Variants in CSPP1 observed in about 807,000 individuals in gnomAD.
CSPP1 encodes the protein centrosome and spindle pole-associated protein 1.
A neutral mutation model predicts 164.4 loss-of-function variants in CSPP1; 126 were observed. The observed-to-expected ratio is 0.77, with a 90% CI of 0.66 to 0.89. CSPP1 has a LOEUF of 0.89. Ranked by LOEUF, CSPP1 falls within the 40% of genes least tolerant of loss-of-function variation. CSPP1 has a pLI of 0.00. For synonymous variants in CSPP1, 472 were observed against 476.7 expected, an observed-to-expected ratio of 0.99 and a Z score of 0.13; for missense variants, 1,395 against 1,449.8, an observed-to-expected ratio of 0.96 and a Z score of 0.61.
At chr8:67,158,798 T>C (rs1586597520) in intron 20 of CSPP1, among the ~76,000 whole-genome samples, 193 bp from the exon 21 acceptor site, 1 of 152,338 alleles carries the variant, frequency 6.6e-6, no homozygotes, top group South Asian at 2.1e-4. Flanking sequence ...TTTAAAAATA[T>C]AGATGTAGGC....
intron 27 of CSPP1, among the ~76,000 whole-genome samples, chr8:67,179,104 G>T (rs959044498): frequency 1.3e-5 from 2 of 152,120 alleles, no homozygotes; most frequent in South Asian, 2.1e-4. Context: ...AGATTATCTG[G>T]TAAGAAGGTG....
chr8:67,170,491 G>A (rs958954423), intron 24 of CSPP1, among the ~76,000 whole-genome samples: 14 of 151,942 alleles, frequency 9.2e-5, no homozygotes, highest in African/African-American at 9.7e-5. Context: ...GTTGTTCACC[G>A]TAAGACTATA....
At chr8:67,103,508 A>G (rs1814601079) in intron 8 of CSPP1, among the ~76,000 whole-genome samples, 1 of 151,996 alleles carries the variant, frequency 6.6e-6, no homozygotes, top group Non-Finnish European at 1.5e-5. Context: ...ATAAATTGAA[A>G]ATGTGGCCGG....
chr8:67,074,469 G>A (rs1460653211), intron 2 of CSPP1, 118 bp downstream of exon 2: 3 of 574,714 alleles, frequency 5.2e-6, no homozygotes, highest in Non-Finnish European at 5.9e-6. Flanking sequence ...GTAGTATGCT[G>A]TCATTCTAGG....
chr8:67,136,332 G>A (rs1003608599), intron 16 of CSPP1, among the ~76,000 whole-genome samples: 4 of 152,016 alleles, frequency 2.6e-5, no homozygotes, highest in East Asian at 3.9e-4. Flanking sequence ...AGCACTTTGG[G>A]AGGCCAAGGT....
intron 28 of CSPP1, among the ~76,000 whole-genome samples, chr8:67,186,726 T>C (rs118162405): frequency 0.028 from 4,291 of 152,060 alleles, 89 homozygotes; most frequent in Middle Eastern, 0.082. Flanking sequence ...AAGGGAGAAA[T>C]AGAATTGTTT....
At chr8:67,084,534 T>A (rs913312108) in intron 3 of CSPP1, among the ~76,000 whole-genome samples, 1 of 152,218 alleles carries the variant, frequency 6.6e-6, no homozygotes, top group African/African-American at 2.4e-5. Flanking sequence ...GTTTATAAAC[T>A]ACAGTCAAAT....
chr8:67,170,291 A>T (rs1326922350), intron 24 of CSPP1, among the ~76,000 whole-genome samples: 1 of 107,988 alleles, frequency 9.3e-6, no homozygotes, highest in African/African-American at 5.6e-5. Flanking sequence ...CTAAAAATAC[A>T]AAAAAAAAAA....
At chr8:67,138,765 CT>C (rs1822885101) in intron 17 of CSPP1, among the ~76,000 whole-genome samples, 3 of 152,168 alleles carry the variant, frequency 2.0e-5, no homozygotes, top group African/African-American at 7.2e-5. Flanking sequence ...ATGGTAGTTT[CT>C]TTTGCCATGC....
At chr8:67,137,063 A>G (rs977199344) in intron 16 of CSPP1, among the ~76,000 whole-genome samples, 1 of 151,874 alleles carries the variant, frequency 6.6e-6, no homozygotes, top group African/African-American at 2.4e-5. Context: ...CTGACTACAA[A>G]CTCCACCTCC....
intron 30 of CSPP1, among the ~76,000 whole-genome samples, chr8:67,195,138 G>A (rs1017772593): frequency 2.0e-5 from 3 of 152,122 alleles, no homozygotes; most frequent in Non-Finnish European, 4.4e-5. Context: ...CTAGTGCCAT[G>A]GAGTCAGCTT....
At chr8:67,131,675 G>A (rs887490935) in intron 15 of CSPP1, among the ~76,000 whole-genome samples, 9 of 152,160 alleles carry the variant, frequency 5.9e-5, no homozygotes, top group Non-Finnish European at 1.2e-4. Context: ...TATGTGTACT[G>A]TTCAATGAAT....
At chr8:67,147,671 C>G (rs1428883206) in intron 17 of CSPP1, among the ~76,000 whole-genome samples, 1 of 151,794 alleles carries the variant, frequency 6.6e-6, no homozygotes, top group Non-Finnish European at 1.5e-5. Flanking sequence ...CTTTTTTTCT[C>G]TAAGTCCTTT....
chr8:67,066,212 C>T (rs1433050393), intron 1 of CSPP1, among the ~76,000 whole-genome samples: 1 of 152,254 alleles, frequency 6.6e-6, no homozygotes, highest in African/African-American at 2.4e-5. Flanking sequence ...CCCTCTCTTT[C>T]CCCCAGCAAC....
chr8:67,094,427 C>T (rs1812302026), intron 6 of CSPP1, among the ~76,000 whole-genome samples: 1 of 151,610 alleles, frequency 6.6e-6, no homozygotes, highest in Non-Finnish European at 1.5e-5. Context: ...GTGCCTGCCA[C>T]CACGCCTGGC....
chr8:67,094,147 G>C (rs986913500), intron 6 of CSPP1, among the ~76,000 whole-genome samples: 1 of 130,502 alleles, frequency 7.7e-6, no homozygotes, highest in Admixed American at 8.1e-5. Context: ...AAAAAAAAAG[G>C]ATGATTGATG....
chr8:67,164,026 A>G (rs973180076), intron 23 of CSPP1, among the ~76,000 whole-genome samples: 1 of 152,170 alleles, frequency 6.6e-6, no homozygotes, highest in Non-Finnish European at 1.5e-5. Context: ...CAGTTTTTAC[A>G]TGCATTTATG....
chr8:67,184,736 T>TTAAAAAAAAAAA (rs1316027774), intron 28 of CSPP1, among the ~76,000 whole-genome samples: 1 of 128,480 alleles, frequency 7.8e-6, no homozygotes, highest in African/African-American at 3.5e-5. Context: ...AAAATAATAA[T>TTAAAAAAAAAAA]AAAAAAATAT....
chr8:67,147,205 C>A (rs925387263), intron 17 of CSPP1, among the ~76,000 whole-genome samples: 1 of 152,164 alleles, frequency 6.6e-6, no homozygotes, highest in East Asian at 1.9e-4. Flanking sequence ...ATGGTTTGTG[C>A]AGGTGACTAT....
Sources: allele counts gnomAD v4.1 joint callset (sites outside exome capture counted in the v4.1 genomes callset), GRCh38; gene constraint gnomAD v4.1.1; transcripts MANE v1.5; gene names NCBI Gene and HGNC (gene_info 2026-07-23, HGNC 2026-07-21).